ZNF143: variants seen among roughly 807,000 people sequenced by gnomAD.
The protein encoded by ZNF143 is SPH-binding factor.
Under a neutral mutation model 74.1 loss-of-function variants are expected in ZNF143, and 49 were observed. The observed-to-expected ratio is 0.66, with a 90% confidence interval of 0.53 to 0.84. The LOEUF (loss-of-function observed/expected upper bound fraction) is 0.84. Among genes scored for constraint, ZNF143 ranks in the 40% least tolerant of loss-of-function variants. The pLI is 0.00. For synonymous variants in ZNF143, 304 were observed against 282.8 expected, an observed-to-expected ratio of 1.07 and a Z score of -0.75; for missense variants, 637 against 793.4, an observed-to-expected ratio of 0.80 and a Z score of 2.37.
chr11:9,496,438 T>G, intron 9 of ZNF143, 60 bp downstream of exon 9: 2 of 1,430,008 alleles, frequency 1.4e-6, no homozygotes, highest in Non-Finnish European at 2.0e-6. Flanking sequence ...AGAGACAGGC[T>G]AGTGGAAGGA....
intron 5 of ZNF143, among the ~76,000 whole-genome samples, chr11:9,474,961 C>T (rs1453125539): frequency 6.6e-6 from 1 of 152,124 alleles, no homozygotes; most frequent in Non-Finnish European, 1.5e-5. Flanking sequence ...AAGCACAGCT[C>T]ACTGCAGCCT....
chr11:9,484,676 T>C (rs1412793430), intron 7 of ZNF143, among the ~76,000 whole-genome samples: 1 of 148,914 alleles, frequency 6.7e-6, no homozygotes, highest in African/African-American at 2.5e-5. Flanking sequence ...TGAAGTGCAA[T>C]GGCCTGATCT....
In ZNF143 at chr11:9,486,372, ATATAT is replaced by A. The variant is rs1353410271; in HGVS notation, c.645+6832_645+6836del. ...ATATATTATATATATATTATATATAATATATTATATATATAATATATATAATATAT... is the reference window on the plus strand; with the variant it reads ...ATATATTATATATATATTATATATAATATATATATAATATATATAATATAT... On this transcript the variant is annotated intron_variant, in intron 7 of 15. Coordinates refer to ENST00000396602, the MANE Select transcript of ZNF143 (RefSeq NM_003442.6). Among the ~76,000 whole-genome samples the A allele has an allele frequency of 6.2e-3, 186 of 30,202 alleles. 12 individuals are homozygous for A. Among genetic ancestry groups the A allele is most frequent in the Non-Finnish European group, 9.2e-3 (149 of 16,242 alleles). The allele number at this position is 30,202 out of a possible 152,430, so 19.8% of individuals were successfully genotyped here. A position where few individuals can be genotyped will look rare whatever the true frequency, so the allele number is the denominator to read the frequency against.
At chr11:9,525,166 A>G in intron 14 of ZNF143, 74 bp from the exon 15 acceptor site, 2 of 1,551,222 alleles carry the variant, frequency 1.3e-6, no homozygotes, top group Non-Finnish European at 1.8e-6. Context: ...AATCCATTGT[A>G]TTAAGTGGAC....
intron 6 of ZNF143, 46 bp from the exon 7 acceptor site, chr11:9,479,426 A>G (rs1590532500): frequency 2.6e-6 from 4 of 1,532,116 alleles, no homozygotes; most frequent in Non-Finnish European, 3.6e-6. Context: ...AGCCTAAACC[A>G]TTATCAAAAT....
chr11:9,516,257 G>T lies in ZNF143; in HGVS notation c.1581G>T (p.Thr527=), dbSNP rs778539331. The change falls in exon 14 of 16, where the codon ACG becomes ACT. Residue 527 remains threonine, a synonymous_variant. Transcript: ENST00000396602. The part of the protein sequence containing the change: ...QAIGNTITMV[T]QDGTPITVPA... ...TTGGCAACACCATCACAATGGTAAC[G>T]CAGGATGGCACGCCCATCACAGTCC... 102 of 1,613,958 alleles carry T rather than the reference G, an allele frequency of 6.3e-5. No individual in the cohort carries two copies. The highest frequency in any genetic ancestry group is 1.3e-4 in the Admixed American group (8 of 59,998).
Position 9,478,527 on chromosome 11 carries a change from A to C in ZNF143, c.511A>C (p.Thr171Pro). ...QADGTVAGLHTGDATIDPDTI... is the reference protein window; with the variant it reads ...QADGTVAGLHPGDATIDPDTI... Reference sequence around the variant, plus strand: ...TGATGGGACAGTGGCAGGTCTGCACACTGGGGATGCTACAATTGACCCTGA... The same window carrying C: ...TGATGGGACAGTGGCAGGTCTGCACCCTGGGGATGCTACAATTGACCCTGA... Residue 171 changes from threonine (T) to proline (P), a missense_variant, in exon 6 of 16, where the codon ACT (threonine) becomes CCT (proline). Thr to Pro is a conservative substitution (Grantham distance 38). This residue lies in a region of ZNF143 where 293 missense variants were observed against 307.8 expected (regional missense o/e 0.95). Coordinates refer to ENST00000396602, the MANE Select transcript of ZNF143 (RefSeq NM_003442.6). 2 of 1,614,200 alleles carry C rather than the reference A, an allele frequency of 1.2e-6. No individual in the cohort carries two copies. The highest frequency in any genetic ancestry group is 1.3e-5 in the African/African-American group (1 of 75,062).
rs11327903 is a variant in ZNF143, at chr11:9,500,331, C to CT, written c.968-746dup. ...ACATATGTGCTAGGCACTAGATTTTCTTTTTTTTTTTTTTGGTTCAGTAAC... is the reference window on the plus strand; with the variant it reads ...ACATATGTGCTAGGCACTAGATTTTCTTTTTTTTTTTTTTTGGTTCAGTAAC... On this transcript the variant is annotated intron_variant, in intron 10 of 15. Transcript: ENST00000396602. 8.9e-3 allele frequency among the ~76,000 whole-genome samples: 1,276 copies of CT among 143,220 alleles called. 6 individuals are homozygous for CT. The highest frequency in any genetic ancestry group is 0.012 in the Non-Finnish European group (772 of 65,234). The allele number at this position is 143,220 out of a possible 152,430, so 94.0% of individuals were successfully genotyped here. A position where few individuals can be genotyped will look rare whatever the true frequency, so the allele number is the denominator to read the frequency against.
chr11:9,471,280 A>G (rs761992218), intron 1 of ZNF143, 22 bp from the exon 2 acceptor site: 28 of 1,560,658 alleles, frequency 1.8e-5, no homozygotes, highest in Non-Finnish European at 2.2e-5. Flanking sequence ...TTTGTTCCCA[A>G]GTGTCTTTAT....
At chr11:9,480,524 C>G (rs1454600133) in intron 7 of ZNF143, among the ~76,000 whole-genome samples, 1 of 152,016 alleles carries the variant, frequency 6.6e-6, no homozygotes, top group Non-Finnish European at 1.5e-5. Context: ...TAGGGGTTAT[C>G]AAGAAGATTT....
chr11:9,527,838 G>A lies in ZNF143; in HGVS notation c.*225G>A. ...TGTGTACAAGGAAGTATGAAATTAG[G>A]GCAATACAGTAAATTTTCATGTTAC... On this transcript the variant is annotated 3_prime_UTR_variant, in exon 16 of 16. Coordinates refer to ENST00000396602, the MANE Select transcript of ZNF143 (RefSeq NM_003442.6). 1 of 418,512 alleles carries A rather than the reference G, an allele frequency of 2.4e-6. No homozygotes were observed. Among genetic ancestry groups the A allele is most frequent in the Non-Finnish European group, 4.3e-6 (1 of 234,402 alleles). The allele number at this position is 418,512 out of a possible 1,614,324, so 25.9% of individuals were successfully genotyped here. A position where few individuals can be genotyped will look rare whatever the true frequency, so the allele number is the denominator to read the frequency against.
At chr11:9,511,215 AT>A (rs34930253) in intron 12 of ZNF143, among the ~76,000 whole-genome samples, 55,744 of 145,302 alleles carry the variant, frequency 0.38, 10,981 homozygotes, top group Middle Eastern at 0.47. Context: ...GGTTCAAGTG[AT>A]TTCTCCTGCC....
At chr11:9,501,816 T>C (rs60482254) in intron 11 of ZNF143, among the ~76,000 whole-genome samples, 2,770 of 151,926 alleles carry the variant, frequency 0.018, 77 homozygotes, top group African/African-American at 0.062. Context: ...ACAAGGTGAG[T>C]TCTGAGAGGT....
At chr11:9,525,086 A>G in intron 14 of ZNF143, 154 bp from the exon 15 acceptor site, 1 of 876,300 alleles carries the variant, frequency 1.1e-6, no homozygotes, top group Non-Finnish European at 1.7e-6. Flanking sequence ...ACTTCCTCAA[A>G]TAAACCTCCT....
chr11:9,466,946 T>C (rs1162581325), intron 1 of ZNF143, among the ~76,000 whole-genome samples: 1 of 151,642 alleles, frequency 6.6e-6, no homozygotes, highest in Non-Finnish European at 1.5e-5. Context: ...CAGGCTGGAG[T>C]GCAGTGGCGC....
intron 3 of ZNF143, chr11:9,473,714 T>G (rs1019506322): frequency 3.6e-6 from 5 of 1,401,072 alleles, no homozygotes; most frequent in Non-Finnish European, 3.9e-6. Context: ...CCTCTTGACC[T>G]CATCTAATTG....
intron 3 of ZNF143, among the ~76,000 whole-genome samples, 181 bp downstream of exon 3, chr11:9,472,950 T>C (rs1856672237): frequency 1.3e-5 from 2 of 151,900 alleles, no homozygotes; most frequent in Admixed American, 1.3e-4. Context: ...GAATAGTCCT[T>C]TGAGATATTT....
Position 9,483,750 on chromosome 11 carries a change from C to CTT in ZNF143, c.645+4221_645+4222dup, listed in dbSNP as rs753979043. On this transcript the variant is annotated intron_variant, in intron 7 of 15. Coordinates refer to ENST00000396602, the MANE Select transcript of ZNF143 (RefSeq NM_003442.6). ...TGAACCAATTTGCCCGGCCGGAATT[C>CTT]TTTTTTTTTTTTTTTTTTGAGATGG... 2.2e-3 allele frequency among the ~76,000 whole-genome samples: 275 copies of CTT among 124,834 alleles called. 2 individuals are homozygous for CTT. The highest frequency in any genetic ancestry group is 3.9e-3 in the Non-Finnish European group (230 of 58,492). 81.9% of individuals were successfully genotyped at this position (124,834 alleles called of 152,430 possible).
intron 7 of ZNF143, among the ~76,000 whole-genome samples, chr11:9,493,100 T>C (rs1847839662): frequency 6.6e-6 from 1 of 150,554 alleles, no homozygotes; most frequent in South Asian, 2.1e-4. Context: ...AGACGGATTC[T>C]CACTCTGTCT....
Sources: allele counts gnomAD v4.1 joint callset (sites outside exome capture counted in the v4.1 genomes callset), GRCh38; gene constraint gnomAD v4.1.1; regional missense constraint gnomAD v4.1.1; transcripts MANE v1.5; gene names NCBI Gene and HGNC (gene_info 2026-07-23, HGNC 2026-07-21).